Variants in ITPR1 observed in about 807,000 individuals in gnomAD.
ITPR1 encodes the protein inositol 1,4,5-trisphosphate receptor type 1.
A neutral mutation model predicts 318.4 loss-of-function variants in ITPR1; 96 were observed. The ratio of observed to expected loss-of-function variants is 0.30; its 90% CI spans 0.26 to 0.36. ITPR1 has a LOEUF of 0.36. Ranked by LOEUF, ITPR1 falls within the 10% of genes least tolerant of loss-of-function variation. The probability of loss-of-function intolerance (pLI) is 1.00; values close to 1 mark genes in which losing one functional copy is unlikely to be tolerated. For missense variants in ITPR1, 2,440 were observed against 3,460.2 expected, an observed-to-expected ratio of 0.71 and a Z score of 7.40; for synonymous variants, 1,312 against 1,289.9, an observed-to-expected ratio of 1.02 and a Z score of -0.37.
chr3:4,800,200 A>G, intron 53 of ITPR1: 1 of 531,318 alleles, frequency 1.9e-6, no homozygotes, highest in Non-Finnish European at 3.3e-6. Flanking sequence ...CCTGAGATGA[A>G]TGAGAAGGGA....
At chr3:4,719,303 C>T (rs1052096604) in intron 40 of ITPR1, among the ~76,000 whole-genome samples, 2 of 152,248 alleles carry the variant, frequency 1.3e-5, no homozygotes, top group Non-Finnish European at 2.9e-5. Context: ...GCTGGGACAC[C>T]GATGCCCTGT....
intron 2 of ITPR1, among the ~76,000 whole-genome samples, chr3:4,509,420 T>G (rs1286550352): frequency 6.6e-6 from 1 of 152,208 alleles, no homozygotes; most frequent in Non-Finnish European, 1.5e-5. Flanking sequence ...CATAGAAATC[T>G]ATTGAAAAGG....
At chr3:4,577,305 C>T (rs527708940) in intron 4 of ITPR1, among the ~76,000 whole-genome samples, 7 of 152,308 alleles carry the variant, frequency 4.6e-5, no homozygotes, top group Middle Eastern at 3.4e-3. Flanking sequence ...TTATTTGGAT[C>T]GTGTACAGCA....
At chr3:4,586,507 CT>C (rs34188022) in intron 4 of ITPR1, among the ~76,000 whole-genome samples, 54,969 of 104,632 alleles carry the variant, frequency 0.53, 12,886 homozygotes, top group Middle Eastern at 0.68. Context: ...GCCTTGAGTG[CT>C]TTTTTTTTTT....
chr3:4,747,305 G>A (rs2044179358), intron 44 of ITPR1, among the ~76,000 whole-genome samples: 1 of 152,186 alleles, frequency 6.6e-6, no homozygotes, highest in South Asian at 2.1e-4. Flanking sequence ...TGCTAATGAG[G>A]AAATAGAGGA....
chr3:4,772,227 G>A (rs1391022857), intron 46 of ITPR1, among the ~76,000 whole-genome samples: 2 of 152,234 alleles, frequency 1.3e-5, no homozygotes, highest in African/African-American at 4.8e-5. Flanking sequence ...TTGGATCGGA[G>A]GGAAGGAGAA....
At chr3:4,695,527 T>TC (rs1447287418) in intron 33 of ITPR1, among the ~76,000 whole-genome samples, 1 of 151,976 alleles carries the variant, frequency 6.6e-6, no homozygotes, top group Admixed American at 6.6e-5. Context: ...TGCAAAAACC[T>TC]CCCCCCATTC....
chr3:4,498,417 G>A (rs964581203), intron 2 of ITPR1, among the ~76,000 whole-genome samples: 1 of 152,160 alleles, frequency 6.6e-6, no homozygotes, highest in Non-Finnish European at 1.5e-5. Context: ...CATGTTGGAG[G>A]AAGGAGAAGA....
At chr3:4,548,922 A>C (rs1271540216) in intron 4 of ITPR1, among the ~76,000 whole-genome samples, 1 of 152,194 alleles carries the variant, frequency 6.6e-6, no homozygotes, top group Non-Finnish European at 1.5e-5. Flanking sequence ...CTCCCTTCTC[A>C]GTAAAAACTG....
chr3:4,788,127 A>C lies in ITPR1; in HGVS notation c.6796A>C (p.Lys2266Gln). 1 of 1,602,036 alleles carries C rather than the reference A, an allele frequency of 6.2e-7. No individual in the cohort carries two copies. The highest frequency in any genetic ancestry group is 8.5e-7 in the Non-Finnish European group (1 of 1,174,022). Residue 2266 changes from lysine to glutamine, a missense_variant, in exon 52 of 62, where the codon AAG (lysine) becomes CAG (glutamine). Lys to Gln is a moderately conservative substitution (Grantham distance 53, BLOSUM62 1). This residue lies in a region of ITPR1 where 115 missense variants were observed against 204.5 expected (regional missense o/e 0.56). Coordinates refer to ENST00000649015, the MANE Select transcript of ITPR1 (RefSeq NM_001378452.1). ...CCTCTTCAATGAAATGAATTGGCAG[A>C]AGAAACTGAGAGGTGGGTTCCAACG... Reference protein sequence around the residue: ...EDLFNEMNWQKKLRAQPVLYW... With the variant: ...EDLFNEMNWQQKLRAQPVLYW...
At chr3:4,705,416 C>T (rs1384045940) in intron 36 of ITPR1, among the ~76,000 whole-genome samples, 3 of 152,284 alleles carry the variant, frequency 2.0e-5, no homozygotes, top group Admixed American at 6.5e-5. Context: ...AGGCTCGATT[C>T]GAATTTCACC....
chr3:4,775,593 A>G (rs2046434417), intron 47 of ITPR1, among the ~76,000 whole-genome samples, 151 bp downstream of exon 47: 1 of 152,204 alleles, frequency 6.6e-6, no homozygotes, highest in Non-Finnish European at 1.5e-5. Flanking sequence ...AGAAATAGCC[A>G]TGGTGTTTCA....
At chr3:4,557,863 A>T (rs968682937) in intron 4 of ITPR1, among the ~76,000 whole-genome samples, 1 of 152,186 alleles carries the variant, frequency 6.6e-6, no homozygotes, top group African/African-American at 2.4e-5. Context: ...CTAAAAAAAT[A>T]TGGTTATTTT....
intron 56 of ITPR1, among the ~76,000 whole-genome samples, chr3:4,811,986 A>G (rs1458911016): frequency 6.6e-6 from 1 of 152,056 alleles, no homozygotes; most frequent in Non-Finnish European, 1.5e-5. Context: ...AAATACCCAC[A>G]AGATGTAGTT....
chr3:4,813,949 A>C (rs2049107417), intron 57 of ITPR1, among the ~76,000 whole-genome samples: 1 of 152,208 alleles, frequency 6.6e-6, no homozygotes, highest in African/African-American at 2.4e-5. Context: ...TAAACCAGTG[A>C]GAATGAACAG....
intron 18 of ITPR1, 73 bp from the exon 19 acceptor site, chr3:4,669,581 A>G: frequency 2.0e-6 from 3 of 1,469,350 alleles, no homozygotes; most frequent in Non-Finnish European, 2.8e-6. Context: ...TGTGCACTTA[A>G]GGAAGAATTG....
At chr3:4,777,004 G>T (rs2046526221) in intron 47 of ITPR1, among the ~76,000 whole-genome samples, 1 of 152,246 alleles carries the variant, frequency 6.6e-6, no homozygotes, top group South Asian at 2.1e-4. Context: ...CAACTGTGCT[G>T]CATGATTTGG....
intron 44 of ITPR1, among the ~76,000 whole-genome samples, chr3:4,736,125 G>C (rs1347842988): frequency 6.9e-6 from 1 of 144,316 alleles, no homozygotes; most frequent in Non-Finnish European, 1.5e-5. Context: ...TTCCTTCTTT[G>C]TTAGCTCTCT....
intron 4 of ITPR1, among the ~76,000 whole-genome samples, chr3:4,570,208 A>G (rs1438677238): frequency 6.6e-6 from 1 of 152,248 alleles, no homozygotes; most frequent in Non-Finnish European, 1.5e-5. Context: ...CCCGAGCCTC[A>G]TGATATTATC....
Sources: gnomAD v4.1 joint callset for allele counts (sites outside exome capture counted in the v4.1 genomes callset) on GRCh38, gnomAD v4.1.1 for gene constraint, gnomAD v4.1.1 regional missense constraint, MANE v1.5 for transcripts, NCBI Gene and HGNC (gene_info 2026-07-23, HGNC 2026-07-21) for gene names.